Variants in IWS1 observed in about 807,000 individuals in gnomAD.
The protein encoded by IWS1 is protein IWS1 homolog.
Under a neutral mutation model 86.7 loss-of-function variants are expected in IWS1, and 27 were observed. The observed-to-expected ratio is 0.31, with a 90% CI of 0.23 to 0.43. The LOEUF is 0.43. IWS1 is among the 20% of genes least tolerant of loss of function. IWS1 has a pLI of 1.00. For missense variants in IWS1, 827 were observed against 1,000.8 expected, an observed-to-expected ratio of 0.83 and a Z score of 2.34; for synonymous variants, 313 against 335.1, an observed-to-expected ratio of 0.93 and a Z score of 0.72.
intron 2 of IWS1, chr2:127,514,497 C>T (rs1243364118): frequency 1.3e-5 from 2 of 153,088 alleles, no homozygotes; most frequent in African/African-American, 2.4e-5. Context: ...GCCCAGACCT[C>T]GAGACTCTCC....
chr2:127,481,247 A>G, intron 13 of IWS1, 72 bp from the exon 14 acceptor site: 1 of 1,414,136 alleles, frequency 7.1e-7, no homozygotes, highest in Non-Finnish European at 9.4e-7. Context: ...TCATCTTCTT[A>G]TAACTGAGTT....
chr2:127,500,857 T>C (rs79422904), intron 5 of IWS1, among the ~76,000 whole-genome samples: 2,067 of 152,264 alleles, frequency 0.014, 45 homozygotes, highest in African/African-American at 0.046. Flanking sequence ...CCTATTAGTT[T>C]AGAAATTACA....
chr2:127,493,525 T>C (rs572701638), intron 8 of IWS1, 115 bp from the exon 9 acceptor site: 37 of 909,368 alleles, frequency 4.1e-5, no homozygotes, highest in Middle Eastern at 7.0e-4. Flanking sequence ...GTTACTCATA[T>C]AAATTTGACA....
At chr2:127,483,571 C>CGGGGGGGGGGGGGGGGGGGGGG (rs1419283644) in intron 13 of IWS1, among the ~76,000 whole-genome samples, 1 of 20,174 alleles carries the variant, frequency 5.0e-5, no homozygotes, top group Non-Finnish European at 8.3e-5. Context: ...ATAATTTGGT[C>CGGGGGGGGGGGGGGGGGGGGGG]GGGGCGGGGG....
chr2:127,526,935 C>T (rs1692455603), upstream of IWS1: 1 of 278,596 alleles, frequency 3.6e-6, no homozygotes, highest in South Asian at 3.1e-5. Context: ...TCCACAGCGC[C>T]TCCTCTCCCG....
At position 127,526,434 on chromosome 2, in the gene IWS1, G is replaced by T. The variant is rs1265363558; in HGVS notation, c.-226C>A. On this transcript the variant is annotated 5_prime_UTR_variant, in exon 1 of 14. Transcript: ENST00000295321. ...ACCCGGCAGGCTGGCGGGCGGGCAGGCATGCGAGCCGGCGTTCTACTTCCT... is the reference window on the plus strand; with the variant it reads ...ACCCGGCAGGCTGGCGGGCGGGCAGTCATGCGAGCCGGCGTTCTACTTCCT... 6.5e-7 allele frequency: 1 copy of T among 1,535,252 alleles called. No homozygotes were observed. The highest frequency in any genetic ancestry group is 8.7e-7 in the Non-Finnish European group (1 of 1,144,000).
At chr2:127,485,993 T>G (rs951282738) in intron 13 of IWS1, 1 of 153,668 alleles carries the variant, frequency 6.5e-6, no homozygotes, top group Non-Finnish European at 1.4e-5. Flanking sequence ...TCGCCTCTTA[T>G]GCTTTTCCAA....
chr2:127,524,505 G>A (rs1030557365), intron 1 of IWS1, among the ~76,000 whole-genome samples: 3 of 150,746 alleles, frequency 2.0e-5, no homozygotes, highest in East Asian at 3.9e-4. Flanking sequence ...GAGTAAAATC[G>A]TATTTTAACC....
chr2:127,512,906 A>T (rs1006327326), intron 2 of IWS1, among the ~76,000 whole-genome samples: 1 of 152,268 alleles, frequency 6.6e-6, no homozygotes, highest in Non-Finnish European at 1.5e-5. Flanking sequence ...AAACTTAAGC[A>T]AGAGTGCCAA....
chr2:127,506,922 G>C (rs7598346), intron 2 of IWS1, among the ~76,000 whole-genome samples: 5 of 152,026 alleles, frequency 3.3e-5, no homozygotes, highest in Non-Finnish European at 7.4e-5. Flanking sequence ...TTTAGGATCC[G>C]GTGAATTTTT....
At chr2:127,519,962 A>C (rs992710417) in intron 2 of IWS1, among the ~76,000 whole-genome samples, 2 of 152,202 alleles carry the variant, frequency 1.3e-5, no homozygotes, top group African/African-American at 4.8e-5. Flanking sequence ...GAAAGCAAGG[A>C]AATGTATCTT....
chr2:127,525,074 T>G (rs1283621931), intron 1 of IWS1, among the ~76,000 whole-genome samples: 2 of 139,546 alleles, frequency 1.4e-5, no homozygotes, highest in Non-Finnish European at 3.0e-5. Context: ...TTTTGCATTT[T>G]TTTGTAGAGA....
Position 127,526,428 on chromosome 2 carries a change from G to A in IWS1, c.-220C>T, listed in dbSNP as rs565971619. The A allele has an allele frequency of 1.6e-5, 25 of 1,535,644 alleles. No individual in the cohort carries two copies. Among genetic ancestry groups the A allele is most frequent in the South Asian group, 3.6e-5 (3 of 83,184 alleles). ...GGCCGTACCCGGCAGGCTGGCGGGC[G>A]GGCAGGCATGCGAGCCGGCGTTCTA... On this transcript the variant is annotated 5_prime_UTR_variant, in exon 1 of 14. Coordinates refer to ENST00000295321, the MANE Select transcript of IWS1 (RefSeq NM_017969.3).
In IWS1 at chr2:127,489,279, T is replaced by C. The variant is rs960408795; in HGVS notation, c.2160-44A>G. 2 of 1,423,840 alleles carry C rather than the reference T, an allele frequency of 1.4e-6. No individual in the cohort carries two copies. Among genetic ancestry groups the C allele is most frequent in the African/African-American group, 1.4e-5 (1 of 70,066 alleles). 88.2% of individuals were successfully genotyped at this position (1,423,840 alleles called of 1,614,324 possible). A position where few individuals can be genotyped will look rare whatever the true frequency, so the allele number is the denominator to read the frequency against. ...AGGAGATACCAGGAATATTAGAACC[T>C]AATAACTCAGAAAAAGAGCAAACTA... On this transcript the variant is annotated intron_variant, in intron 11 of 13. Transcript: ENST00000295321. The surrounding 1 kb of genome is among the most constrained non-coding windows in gnomAD (Gnocchi z 4.8).
intron 8 of IWS1, 65 bp downstream of exon 8, chr2:127,494,807 T>C: frequency 2.3e-6 from 2 of 870,568 alleles, no homozygotes; most frequent in Non-Finnish European, 1.8e-6. Flanking sequence ...AGAACACCAG[T>C]ACATCATTTG....
At chr2:127,526,608 A>G (rs1382289330), upstream of IWS1, 4 of 1,356,142 alleles carry the variant, frequency 2.9e-6, no homozygotes, top group East Asian at 4.6e-5. Context: ...GGGAAAATTG[A>G]GCTGGAACTC....
intron 1 of IWS1, among the ~76,000 whole-genome samples, chr2:127,524,688 G>C (rs1692296381): frequency 6.6e-6 from 1 of 150,776 alleles, no homozygotes; most frequent in South Asian, 2.1e-4. Flanking sequence ...GATTACAGGT[G>C]CCCGCCACCA....
At chr2:127,486,737 T>G (rs1011304115) in intron 12 of IWS1, 73 bp from the exon 13 acceptor site, 1 of 1,125,358 alleles carries the variant, frequency 8.9e-7, no homozygotes, top group African/African-American at 1.5e-5. Context: ...CATTTCACAC[T>G]CCTGTTCCTA....
intron 5 of IWS1, chr2:127,501,859 C>T (rs1690835311): frequency 1.3e-5 from 2 of 152,108 alleles, no homozygotes; most frequent in African/African-American, 2.4e-5. Flanking sequence ...ACCTGTACAT[C>T]GAGTTTTTAA....
Sources: allele counts gnomAD v4.1 joint callset (sites outside exome capture counted in the v4.1 genomes callset), GRCh38; gene constraint gnomAD v4.1.1; non-coding constraint Gnocchi (gnomAD v3.1); transcripts MANE v1.5; gene names NCBI Gene and HGNC (gene_info 2026-07-23, HGNC 2026-07-21).